The following CASS4 variants were observed in gnomAD, a reference collection of about 807,000 sequenced individuals.
CASS4 encodes Cas scaffold protein family member 4, also known as cas scaffolding protein family member 4.
CASS4 carries 22 observed loss-of-function variants against 54.2 expected under a neutral mutation model. The ratio of observed to expected loss-of-function variants is 0.41; its 90% CI spans 0.29 to 0.58. The LOEUF (loss-of-function observed/expected upper bound fraction) is 0.58. Ranked by LOEUF, CASS4 falls within the 20% of genes least tolerant of loss-of-function variation. CASS4 has a pLI of 0.36. For synonymous variants in CASS4, 409 were observed against 391.5 expected (o/e 1.04, Z -0.53); for missense variants, 854 against 986.7 (o/e 0.87, Z 1.80).
intron 3 of CASS4, 37 bp downstream of exon 3, chr20:56,446,038 T>C: frequency 4.3e-6 from 6 of 1,385,648 alleles, no homozygotes; most frequent in Non-Finnish European, 6.1e-6. Flanking sequence ...CACCCAGACC[T>C]CTGCGCCCAG....
chr20:56,418,370 G>A (rs912305980), intron 1 of CASS4, among the ~76,000 whole-genome samples: 8 of 152,324 alleles, frequency 5.3e-5, no homozygotes, highest in Non-Finnish European at 8.8e-5. Flanking sequence ...GGTCAGAAGT[G>A]AGATCTGAGG....
At chr20:56,421,991 A>G (rs1294535000) in intron 1 of CASS4, among the ~76,000 whole-genome samples, 1 of 152,214 alleles carries the variant, frequency 6.6e-6, no homozygotes, top group East Asian at 1.9e-4. Flanking sequence ...CTGGATGGGA[A>G]CTTTGGCGAT....
chr20:56,421,277 A>T (rs552929704), intron 1 of CASS4, among the ~76,000 whole-genome samples: 1 of 152,362 alleles, frequency 6.6e-6, no homozygotes, highest in East Asian at 1.9e-4. Context: ...CTGTAATTTC[A>T]TGGGTAACAT....
At position 56,458,418 on chromosome 20, in the gene CASS4, C is replaced by T; in HGVS notation, c.2032C>T (p.Leu678Phe). The change falls in exon 6 of 6, where the codon CTC (leucine) becomes TTC (phenylalanine). Residue 678 changes from leucine (L) to phenylalanine (F), a missense_variant. By Grantham distance (22) the Leu-to-Phe change is conservative (BLOSUM62 0). Transcript: ENST00000679887. Reference sequence around the variant, plus strand: ...ACCCCGCTTATCTGAACACTGCCGGCTCTACTTTGGGGCGCTCTTCAAAGC... The same window carrying T: ...ACCCCGCTTATCTGAACACTGCCGGTTCTACTTTGGGGCGCTCTTCAAAGC... Reference protein sequence around the residue: ...RKPRLSEHCRLYFGALFKAIS... With the variant: ...RKPRLSEHCRFYFGALFKAIS... The T allele has an allele frequency of 6.2e-7, 1 of 1,614,098 alleles. No homozygotes were observed. The highest frequency in any genetic ancestry group is 8.5e-7 in the Non-Finnish European group (1 of 1,180,038).
At chr20:56,425,920 C>T (rs1979617135) in intron 1 of CASS4, among the ~76,000 whole-genome samples, 1 of 152,200 alleles carries the variant, frequency 6.6e-6, no homozygotes, top group Non-Finnish European at 1.5e-5. Context: ...GACCTATGCT[C>T]ATCTTGCTCT....
intron 1 of CASS4, among the ~76,000 whole-genome samples, chr20:56,423,809 T>G (rs1319895694): frequency 6.6e-6 from 1 of 152,164 alleles, no homozygotes; most frequent in African/African-American, 2.4e-5. Context: ...CGTCCCAAAG[T>G]GTTGGGATTA....
chr20:56,428,843 G>T (rs1051514000), intron 1 of CASS4, among the ~76,000 whole-genome samples: 2 of 152,170 alleles, frequency 1.3e-5, no homozygotes, highest in African/African-American at 2.4e-5. Context: ...ATGACCAGAG[G>T]CAGGTCATTA....
At chr20:56,434,677 C>A (rs1214088879) in intron 1 of CASS4, among the ~76,000 whole-genome samples, 1 of 151,772 alleles carries the variant, frequency 6.6e-6, no homozygotes, top group East Asian at 1.9e-4. Context: ...AAACTCCTGA[C>A]CTCATCATCT....
chr20:56,434,017 G>A (rs1470279244), intron 1 of CASS4, among the ~76,000 whole-genome samples: 1 of 152,106 alleles, frequency 6.6e-6, no homozygotes, highest in African/African-American at 2.4e-5. Flanking sequence ...GAATGTGCTG[G>A]GAAACATTTC....
Position 56,452,167 on chromosome 20 carries a change from G to T in CASS4, c.991G>T (p.Val331Phe), listed in dbSNP as rs1311470954. ...FPLDEDVSYK[V>F]PSSFLIPRVE... Reference sequence around the variant, plus strand: ...TTTGGATGAAGATGTCAGCTACAAGGTTCCTTCAAGCTTTCTGATTCCCCG... The same window carrying T: ...TTTGGATGAAGATGTCAGCTACAAGTTTCCTTCAAGCTTTCTGATTCCCCG... Residue 331 changes from valine to phenylalanine, a missense_variant, in exon 5 of 6, where the codon GTT becomes TTT. By Grantham distance (50) the Val-to-Phe change is conservative. Transcript: ENST00000679887. The T allele has an allele frequency of 4.3e-6, 7 of 1,614,010 alleles. No homozygotes were observed. Among genetic ancestry groups the T allele is most frequent in the African/African-American group, 2.7e-5 (2 of 74,896 alleles).
At position 56,437,529 on chromosome 20, in the gene CASS4, C is replaced by T. The variant is rs201516954; in HGVS notation, c.402C>T (p.Pro134=). The change falls in exon 2 of 6, where the codon CCC becomes CCT. Residue 134 remains proline, a synonymous_variant. Transcript: ENST00000679887. This position sits in a 1 kb window ranked among gnomAD's most constrained non-coding sequence, Gnocchi z 4.7. ...CTACTGCCCAAGTCTATGAATTCCC[C>T]GACCCTCCCACCAGTGCCAGAATCA... is the stretch of plus-strand genomic sequence containing the variant. ...QPPTAQVYEF[P]DPPTSARIIC... is the part of the protein sequence containing the mutation. 56 of 1,578,720 alleles carry T rather than the reference C, an allele frequency of 3.5e-5. No homozygotes were observed. In the East Asian group the frequency reaches 6.7e-4, roughly 19 times the overall value.
chr20:56,443,417 C>T (rs1194628568), intron 2 of CASS4, among the ~76,000 whole-genome samples: 2 of 146,212 alleles, frequency 1.4e-5, no homozygotes, highest in Admixed American at 7.1e-5. Flanking sequence ...TGCAGTAAGC[C>T]GAAATGGCAC....
rs759106984 is a variant in CASS4, at chr20:56,424,740, CAAAAAAA to C, written c.36+12263_36+12269del. ...TGGATGACAGAGCGAGACTCTGTCTCAAAAAAAAAAAAAAAAAAAAAAATCACAGGTT... is the reference window on the plus strand; with the variant it reads ...TGGATGACAGAGCGAGACTCTGTCTCAAAAAAAAAAAAAAAATCACAGGTT... On this transcript the variant is annotated intron_variant, in intron 1 of 5. Coordinates refer to ENST00000679887, the MANE Select transcript of CASS4 (RefSeq NM_020356.4). Among the ~76,000 whole-genome samples the C allele has an allele frequency of 1.1e-4, 8 of 72,072 alleles. No individual in the cohort carries two copies. The East Asian group carries it at 3.3e-3, about 30-fold the overall frequency. The allele number at this position is 72,072 out of a possible 152,430, so 47.3% of individuals were successfully genotyped here.
chr20:56,417,839 T>A (rs1311921488), intron 1 of CASS4, among the ~76,000 whole-genome samples: 1 of 152,222 alleles, frequency 6.6e-6, no homozygotes, highest in African/African-American at 2.4e-5. Context: ...CCTGTTCTCT[T>A]GACAATTGTC....
intron 5 of CASS4, among the ~76,000 whole-genome samples, chr20:56,458,059 A>G (rs1981384443): frequency 6.6e-6 from 1 of 151,080 alleles, no homozygotes. Context: ...GTCATTGCCA[A>G]TGTGTTTCTT....
intron 1 of CASS4, among the ~76,000 whole-genome samples, chr20:56,423,627 C>T (rs765369011): frequency 6.6e-6 from 1 of 152,128 alleles, no homozygotes; most frequent in Non-Finnish European, 1.5e-5. Context: ...TCACTGCAAC[C>T]TCCACCTCCC....
chr20:56,431,112 T>TG (rs532874428), intron 1 of CASS4, among the ~76,000 whole-genome samples: 119 of 152,292 alleles, frequency 7.8e-4, no homozygotes, highest in African/African-American at 2.7e-3. Context: ...CAATTAGAAT[T>TG]TAAGTGACCT....
intron 3 of CASS4, among the ~76,000 whole-genome samples, chr20:56,446,968 G>A (rs1294845663): frequency 2.0e-5 from 3 of 152,126 alleles, no homozygotes; most frequent in Non-Finnish European, 4.4e-5. Context: ...AGCATTTTGG[G>A]AGGCCAAGGC....
At chr20:56,417,590 G>A (rs894816407) in intron 1 of CASS4, among the ~76,000 whole-genome samples, 5 of 152,210 alleles carry the variant, frequency 3.3e-5, no homozygotes, top group African/African-American at 1.2e-4. Context: ...TTCTTACTCA[G>A]TGCTGCATCT....
Sources: allele counts gnomAD v4.1 joint callset (sites outside exome capture counted in the v4.1 genomes callset), GRCh38; gene constraint gnomAD v4.1.1; non-coding constraint Gnocchi (gnomAD v3.1); transcripts MANE v1.5; gene names NCBI Gene and HGNC (gene_info 2026-07-23, HGNC 2026-07-21).